Variants in SPTBN1 observed in about 807,000 individuals in gnomAD.
SPTBN1 encodes spectrin beta chain, non-erythrocytic 1.
Under a neutral mutation model 266.4 loss-of-function variants are expected in SPTBN1, and 32 were observed. That is an observed-to-expected ratio of 0.12 (90% CI 0.09 to 0.16). The LOEUF is 0.16. Among genes scored for constraint, SPTBN1 ranks in the 10% least tolerant of loss-of-function variants. The probability of loss-of-function intolerance (pLI) is 1.00; values close to 1 mark genes in which losing one functional copy is unlikely to be tolerated. For missense variants in SPTBN1, 2,296 were observed against 3,067.1 expected (o/e 0.75, Z 5.94); for synonymous variants, 1,336 against 1,162.2 (o/e 1.15, Z -3.04).
At chr2:54,652,609 G>A (rs1181909539) in intron 26 of SPTBN1, 1 of 152,172 alleles carries the variant, frequency 6.6e-6, no homozygotes, top group South Asian at 2.1e-4. Context: ...CCCAAAGTAG[G>A]ATCATAAAAT....
At chr2:54,535,970 A>G (rs1671572492) in intron 2 of SPTBN1, among the ~76,000 whole-genome samples, 2 of 152,250 alleles carry the variant, frequency 1.3e-5, no homozygotes, top group Admixed American at 1.3e-4. Context: ...CAGTGAGCCA[A>G]GATTGCGCCA....
intron 4 of SPTBN1, among the ~76,000 whole-genome samples, chr2:54,614,513 A>C (rs1043116864): frequency 6.6e-6 from 1 of 152,092 alleles, no homozygotes; most frequent in African/African-American, 2.4e-5. Context: ...TTTAAAAGAG[A>C]GTATAAGGGC....
chr2:54,666,617 G>A (rs1238270607), intron 34 of SPTBN1, among the ~76,000 whole-genome samples: 1 of 152,174 alleles, frequency 6.6e-6, no homozygotes, highest in Non-Finnish European at 1.5e-5. Flanking sequence ...AGTTCCAAAT[G>A]TCTCTACCCT....
chr2:54,532,149 C>T (rs1163626290), intron 2 of SPTBN1, among the ~76,000 whole-genome samples: 2 of 151,976 alleles, frequency 1.3e-5, no homozygotes, highest in Non-Finnish European at 2.9e-5. Flanking sequence ...ATTAGCTGGG[C>T]GTGGTGGCGG....
chr2:54,622,192 C>A, intron 8 of SPTBN1, 108 bp from the exon 9 acceptor site: 1 of 1,229,498 alleles, frequency 8.1e-7, no homozygotes, highest in Non-Finnish European at 1.1e-6. Flanking sequence ...GCTGGCCAAA[C>A]TGTTTCAAAG....
At chr2:54,479,133 G>A (rs1272478507) in intron 1 of SPTBN1, among the ~76,000 whole-genome samples, 1 of 152,178 alleles carries the variant, frequency 6.6e-6, no homozygotes, top group Non-Finnish European at 1.5e-5. Flanking sequence ...AAGTTGAAAT[G>A]TTTAAACATT....
intron 2 of SPTBN1, among the ~76,000 whole-genome samples, chr2:54,573,756 G>A (rs1410397562): frequency 1.3e-5 from 2 of 152,152 alleles, no homozygotes; most frequent in Admixed American, 6.5e-5. Flanking sequence ...CTTATGGAGG[G>A]CCTCTGCCTG....
intron 2 of SPTBN1, among the ~76,000 whole-genome samples, chr2:54,552,363 C>T (rs1672622282): frequency 6.6e-6 from 1 of 152,066 alleles, no homozygotes; most frequent in Non-Finnish European, 1.5e-5. Context: ...TTATCTCAAC[C>T]TCTGTGAGGT....
At chr2:54,609,176 T>A (rs114005202) in intron 3 of SPTBN1, among the ~76,000 whole-genome samples, 9 of 152,344 alleles carry the variant, frequency 5.9e-5, no homozygotes, top group Non-Finnish European at 1.2e-4. Context: ...CAATTTGTTT[T>A]CTGGTACTGC....
intron 29 of SPTBN1, among the ~76,000 whole-genome samples, chr2:54,656,725 G>A (rs1388758515): frequency 6.6e-6 from 1 of 152,176 alleles, no homozygotes; most frequent in Non-Finnish European, 1.5e-5. Flanking sequence ...CCTTTTCTGA[G>A]AGGTTTGACG....
At chr2:54,506,123 CTAAATAAATAAATAAA>C (rs56815057) in intron 1 of SPTBN1, among the ~76,000 whole-genome samples, 36 of 145,540 alleles carry the variant, frequency 2.5e-4, no homozygotes, top group East Asian at 4.1e-4. Flanking sequence ...GACTCCGTCT[CTAAATAAATAAATAAA>C]TAAATAAATA....
At chr2:54,642,557 A>T (rs888419863) in intron 18 of SPTBN1, among the ~76,000 whole-genome samples, 2 of 151,090 alleles carry the variant, frequency 1.3e-5, no homozygotes, top group Admixed American at 6.6e-5. Context: ...TAATAAAAAG[A>T]ACTAAGAGAG....
Position 54,616,317 on chromosome 2 carries a change from G to A in SPTBN1, c.566+19G>A, listed in dbSNP as rs745853709. 3.1e-6 allele frequency: 5 copies of A among 1,609,382 alleles called. No individual in the cohort carries two copies. Among genetic ancestry groups the A allele is most frequent in the African/African-American group, 1.3e-5 (1 of 74,814 alleles). ...CAGCTGGGTGAGTGTGAATGAAGAG[G>A]GTATTGGGGCTGCTTCTTCCAGGAC... On this transcript the variant is annotated intron_variant, in intron 5 of 35. Coordinates refer to ENST00000356805, the MANE Select transcript of SPTBN1 (RefSeq NM_003128.3).
intron 2 of SPTBN1, among the ~76,000 whole-genome samples, chr2:54,596,792 C>T (rs1354487921): frequency 6.6e-6 from 1 of 152,172 alleles, no homozygotes; most frequent in Admixed American, 6.5e-5. Context: ...TGTTTCAGCT[C>T]TGTTCTCTGC....
intron 1 of SPTBN1, among the ~76,000 whole-genome samples, chr2:54,515,526 T>C (rs1407349918): frequency 2.7e-5 from 4 of 150,930 alleles, no homozygotes; most frequent in Non-Finnish European, 4.4e-5. Context: ...ATTTTTTAGA[T>C]TATTTATTTA....
chr2:54,589,216 C>G lies in SPTBN1; in HGVS notation c.149-9876C>G, dbSNP rs557757594. Among the ~76,000 whole-genome samples the G allele has an allele frequency of 3.3e-5, 5 of 152,326 alleles. No individual in the cohort carries two copies. In the South Asian group the frequency reaches 8.3e-4, roughly 25 times the overall value. On this transcript the variant is annotated intron_variant, in intron 2 of 35. Coordinates refer to ENST00000356805, the MANE Select transcript of SPTBN1 (RefSeq NM_003128.3). ...TCTTATTTTCGGAGAAAGCCCCCAT[C>G]ATAACCTCAGCTCCCTCCAGAGTCT...
intron 1 of SPTBN1, among the ~76,000 whole-genome samples, chr2:54,502,553 G>T (rs926347327): frequency 6.6e-6 from 1 of 152,024 alleles, no homozygotes; most frequent in African/African-American, 2.4e-5. Context: ...GTGTGCATGG[G>T]TGACAGCTCC....
chr2:54,570,176 GC>G (rs1673962126), intron 2 of SPTBN1, among the ~76,000 whole-genome samples: 1 of 152,120 alleles, frequency 6.6e-6, no homozygotes, highest in Non-Finnish European at 1.5e-5. Flanking sequence ...CATATTAACT[GC>G]CCCCCATGGG....
chr2:54,508,722 C>T lies in SPTBN1; in HGVS notation c.-47-17650C>T, dbSNP rs549836704. Among the ~76,000 whole-genome samples the T allele has an allele frequency of 5.3e-5, 8 of 152,202 alleles. No homozygotes were observed. In the East Asian group the frequency reaches 1.5e-3, roughly 29 times the overall value. ...CCAGATGAGAAGGAGGAAAACTGCC[C>T]TGAGGGATAGAAGTTGGAACGCTAG... On this transcript the variant is annotated intron_variant, in intron 1 of 35. Coordinates refer to ENST00000356805, the MANE Select transcript of SPTBN1 (RefSeq NM_003128.3).
Sources: gnomAD v4.1 joint callset for allele counts (sites outside exome capture counted in the v4.1 genomes callset) on GRCh38, gnomAD v4.1.1 for gene constraint, MANE v1.5 for transcripts, NCBI Gene and HGNC (gene_info 2026-07-23, HGNC 2026-07-21) for gene names.